Variants in TGFB1 observed in about 807,000 individuals in gnomAD.
TGFB1 encodes transforming growth factor beta-1 proprotein.
TGFB1 carries 19 observed loss-of-function variants against 43.8 expected under a neutral mutation model. That is an observed-to-expected ratio of 0.43 (90% confidence interval 0.30 to 0.64). The LOEUF (loss-of-function observed/expected upper bound fraction) is 0.64. Among genes scored for constraint, TGFB1 ranks in the 30% least tolerant of loss-of-function variants. The probability of loss-of-function intolerance (pLI) is 0.11; values close to 1 mark genes in which losing one functional copy is unlikely to be tolerated. For synonymous variants in TGFB1, 221 were observed against 236.3 expected, an observed-to-expected ratio of 0.94 and a Z score of 0.60; for missense variants, 445 against 529.8, an observed-to-expected ratio of 0.84 and a Z score of 1.57.
rs2123117726 is a variant in TGFB1, at chr19:41,352,673, T to G, written c.355+17A>C. ...CTGGGGGCCCCCCTCCCGGCTCCCC[T>G]GCCCCTCCGAGCTCACCGTTGTGGG... On this transcript the variant is annotated intron_variant, in intron 1 of 6. Coordinates refer to ENST00000221930, the MANE Select transcript of TGFB1 (RefSeq NM_000660.7). 6.2e-7 allele frequency: 1 copy of G among 1,611,228 alleles called. No homozygotes were observed. The highest frequency in any genetic ancestry group is 2.2e-5 in the East Asian group (1 of 44,804).
chr19:41,342,536 A>G (rs1055771108), intron 3 of TGFB1, among the ~76,000 whole-genome samples: 18 of 140,192 alleles, frequency 1.3e-4, no homozygotes, highest in African/African-American at 4.6e-4. Context: ...TTTTTTTGAG[A>G]TGGAGTCTGG....
At chr19:41,352,539 AC>A (rs1043614859) in intron 1 of TGFB1, 150 bp downstream of exon 1, 5 of 947,846 alleles carry the variant, frequency 5.3e-6, no homozygotes, top group African/African-American at 1.6e-5. Context: ...TCTTTCGGAC[AC>A]CCCCCTCCCA....
Position 41,331,939 on chromosome 19 carries a change from C to T in TGFB1, c.1014+189G>A, listed in dbSNP as rs533037490. On this transcript the variant is annotated intron_variant, in intron 6 of 6. Transcript: ENST00000221930. ...TTCATAGCTCATCTCCCTCTGGCCC[C>T]TGCTCAGAGCCCCTCTCTAGCTTCC... The T allele has an allele frequency of 1.5e-4, 110 of 742,060 alleles. 1 individual carries two copies. The African/African-American group carries it at 1.7e-3, about 12-fold the overall frequency. The allele number at this position is 742,060 out of a possible 1,614,324, so 46.0% of individuals were successfully genotyped here. A position where few individuals can be genotyped will look rare whatever the true frequency, so the allele number is the denominator to read the frequency against.
At chr19:41,333,130 G>C (rs1225428060) in intron 5 of TGFB1, among the ~76,000 whole-genome samples, 1 of 150,916 alleles carries the variant, frequency 6.6e-6, no homozygotes, top group Non-Finnish European at 1.5e-5. Flanking sequence ...TGCATCTGCT[G>C]TTCCCTCTGC....
Position 41,331,004 on chromosome 19 carries a change from G to T in TGFB1, c.*48C>A. ...CCATGGGCAAGGCAGCGGGGGCGGG[G>T]CGGGGTGGGGCCGGGCCTGCCGGGG... On this transcript the variant is annotated 3_prime_UTR_variant, in exon 7 of 7. Transcript: ENST00000221930. The T allele has an allele frequency of 6.8e-7, 1 of 1,464,806 alleles. No individual in the cohort carries two copies. Among genetic ancestry groups the T allele is most frequent in the Non-Finnish European group, 9.0e-7 (1 of 1,106,338 alleles). 90.7% of individuals were successfully genotyped at this position (1,464,806 alleles called of 1,614,324 possible).
At chr19:41,341,271 C>G (rs1305576167) in intron 5 of TGFB1, among the ~76,000 whole-genome samples, 1 of 151,356 alleles carries the variant, frequency 6.6e-6, no homozygotes, top group East Asian at 2.0e-4. Flanking sequence ...TGGAGACCAT[C>G]CTGGCTAACA....
chr19:41,340,186 T>C (rs1406957777), intron 5 of TGFB1, among the ~76,000 whole-genome samples: 1 of 152,006 alleles, frequency 6.6e-6, no homozygotes, highest in Non-Finnish European at 1.5e-5. Context: ...AGTATGCCAG[T>C]ATTGCATCCC....
chr19:41,350,307 CTTT>C (rs55873066), intron 1 of TGFB1, among the ~76,000 whole-genome samples: 91 of 119,686 alleles, frequency 7.6e-4, no homozygotes, highest in East Asian at 6.7e-4. Flanking sequence ...GTTTTCTTTT[CTTT>C]TTTTTTTTTT....
At chr19:41,337,563 T>C (rs551932215) in intron 5 of TGFB1, among the ~76,000 whole-genome samples, 114 of 152,106 alleles carry the variant, frequency 7.5e-4, no homozygotes, top group African/African-American at 2.3e-3. Context: ...GGGTGTGAGC[T>C]ACCATACCTG....
Position 41,353,414 on chromosome 19 carries a change from GAA to G in TGFB1, c.-372_-371del, listed in dbSNP as rs1340309101. On this transcript the variant is annotated 5_prime_UTR_variant, in exon 1 of 7. Transcript: ENST00000221930. This position sits in a 1 kb window ranked among gnomAD's most constrained non-coding sequence, Gnocchi z 5.9. Reference sequence around the variant, plus strand: ...GCAGGGGGTGCGCCCGAGGTCTGGGGAAAAGTCTTTGCGGGAGGCCGGGTCGG... The same window carrying G: ...GCAGGGGGTGCGCCCGAGGTCTGGGGAAGTCTTTGCGGGAGGCCGGGTCGG... 9.4e-6 allele frequency: 2 copies of G among 211,878 alleles called. No individual in the cohort carries two copies. Among genetic ancestry groups the G allele is most frequent in the African/African-American group, 2.3e-5 (1 of 43,192 alleles). The allele number at this position is 211,878 out of a possible 1,614,324, so 13.1% of individuals were successfully genotyped here.
At chr19:41,342,076 T>A (rs368253972) in intron 4 of TGFB1, 46 bp from the exon 5 acceptor site, 1 of 1,613,754 alleles carries the variant, frequency 6.2e-7, no homozygotes, top group Non-Finnish European at 8.5e-7. Flanking sequence ...ACACACACAC[T>A]CTCAGAGGGA....
At chr19:41,348,000 C>T (rs895474967) in intron 2 of TGFB1, among the ~76,000 whole-genome samples, 4 of 150,988 alleles carry the variant, frequency 2.6e-5, no homozygotes, top group African/African-American at 7.4e-5. Context: ...GGCGTGGTGG[C>T]GCACACCTGT....
intron 1 of TGFB1, among the ~76,000 whole-genome samples, chr19:41,351,662 C>A (rs2038196906): frequency 6.6e-6 from 1 of 152,140 alleles, no homozygotes; most frequent in Non-Finnish European, 1.5e-5. Context: ...AGGCTCCTCC[C>A]CCCGCGCGTG....
Position 41,331,084 on chromosome 19 carries a change from T to A in TGFB1, c.1141A>T (p.Asn381Tyr). The A allele has an allele frequency of 6.3e-7, 1 of 1,585,116 alleles. No homozygotes were observed. ...CACTTGCAGGAGCGCACGATCATGTTGGACAGCTGCTCCACCTTGGGCTTG... is the reference window on the plus strand; with the variant it reads ...CACTTGCAGGAGCGCACGATCATGTAGGACAGCTGCTCCACCTTGGGCTTG... ...GRKPKVEQLS[N>Y]MIVRSCKCS is the part of the protein sequence containing the mutation. The change falls in exon 7 of 7, where the codon AAC (asparagine) becomes TAC (tyrosine). Residue 381 changes from asparagine (N) to tyrosine (Y), a missense_variant. Around this residue, in one of 3 missense-constraint regions of TGFB1, gnomAD observed 56 missense variants for 46.9 expected, o/e 1.19. Transcript: ENST00000221930.
At chr19:41,341,328 G>T (rs532291546) in intron 5 of TGFB1, among the ~76,000 whole-genome samples, 2 of 151,850 alleles carry the variant, frequency 1.3e-5, no homozygotes, top group Admixed American at 6.6e-5. Flanking sequence ...TTAGCTGGGC[G>T]TGGTGGCACG....
chr19:41,340,032 C>T (rs772955931), intron 5 of TGFB1, among the ~76,000 whole-genome samples: 13 of 152,234 alleles, frequency 8.5e-5, no homozygotes, highest in Middle Eastern at 3.4e-3. Context: ...TCCATTTCAA[C>T]TTTCTAGGAA....
At chr19:41,333,203 T>C (rs1055829763) in intron 5 of TGFB1, among the ~76,000 whole-genome samples, 1 of 142,698 alleles carries the variant, frequency 7.0e-6, no homozygotes, top group Non-Finnish European at 1.5e-5. Context: ...TCTTCTTTTT[T>C]TTTCTATTTT....
At chr19:41,337,449 G>T (rs1568475889) in intron 5 of TGFB1, among the ~76,000 whole-genome samples, 1 of 151,878 alleles carries the variant, frequency 6.6e-6, no homozygotes, top group Non-Finnish European at 1.5e-5. Context: ...CCTGATTTTT[G>T]TATTTTTAGT....
chr19:41,337,783 C>T (rs537704954), intron 5 of TGFB1, among the ~76,000 whole-genome samples: 1 of 152,298 alleles, frequency 6.6e-6, no homozygotes, highest in East Asian at 1.9e-4. Context: ...CCTCCTCAGC[C>T]TACTCAACAT....
Sources: gnomAD v4.1 joint callset for allele counts (sites outside exome capture counted in the v4.1 genomes callset) on GRCh38, gnomAD v4.1.1 for gene constraint, gnomAD v4.1.1 regional missense constraint, Gnocchi (gnomAD v3.1) non-coding constraint, MANE v1.5 for transcripts, NCBI Gene and HGNC (gene_info 2026-07-23, HGNC 2026-07-21) for gene names.